The following DPP10 variants were observed in gnomAD, a reference collection of about 807,000 sequenced individuals.
DPP10 encodes the protein inactive dipeptidyl peptidase 10.
DPP10 carries 33 observed loss-of-function variants against 120.9 expected under a neutral mutation model. The ratio of observed to expected loss-of-function variants is 0.27; its 90% CI spans 0.21 to 0.37. The LOEUF (loss-of-function observed/expected upper bound fraction) is 0.37, where lower values mean the gene tolerates loss of function less well. DPP10 is among the 10% of genes least tolerant of loss of function. The pLI is 1.00. For synonymous variants in DPP10, 337 were observed against 326.1 expected (o/e 1.03, Z -0.36); for missense variants, 816 against 942.8 (o/e 0.87, Z 1.76).
chr2:115,278,525 G>A (rs1358046427), intron 1 of DPP10, among the ~76,000 whole-genome samples: 1 of 152,104 alleles, frequency 6.6e-6, no homozygotes, highest in Non-Finnish European at 1.5e-5. Flanking sequence ...CCTGCAGACT[G>A]TACAAGAAGC....
chr2:115,152,848 G>A lies in DPP10; in HGVS notation c.61-156391G>A, dbSNP rs182248347. Reference sequence around the variant, plus strand: ...TTTTATACTGCTTTCGAGCTAATGAGTTAACCCGCCAGGTTTATGGATGTC... The same window carrying A: ...TTTTATACTGCTTTCGAGCTAATGAATTAACCCGCCAGGTTTATGGATGTC... On this transcript the variant is annotated intron_variant, in intron 1 of 25. Transcript: ENST00000410059. 2.5e-4 allele frequency among the ~76,000 whole-genome samples: 38 copies of A among 152,252 alleles called. No homozygotes were observed. In the East Asian group the frequency reaches 6.4e-3, roughly 26 times the overall value.
chr2:114,777,788 A>C (rs1188431193), intron 1 of DPP10, among the ~76,000 whole-genome samples: 2 of 152,126 alleles, frequency 1.3e-5, no homozygotes, highest in East Asian at 3.8e-4. Context: ...GACATCATTA[A>C]ACAGAAATCC....
intron 1 of DPP10, among the ~76,000 whole-genome samples, chr2:115,206,275 C>T (rs563577357): frequency 1.3e-5 from 2 of 152,194 alleles, no homozygotes; most frequent in East Asian, 1.9e-4. Context: ...AGATAATGTA[C>T]CATACGCCTC....
At chr2:114,798,038 A>G (rs1683866646) in intron 1 of DPP10, among the ~76,000 whole-genome samples, 2 of 152,162 alleles carry the variant, frequency 1.3e-5, no homozygotes, top group East Asian at 3.9e-4. Context: ...GTCTAATCAT[A>G]AGAAAAACGA....
At chr2:115,045,436 T>C (rs1704990109) in intron 1 of DPP10, among the ~76,000 whole-genome samples, 1 of 152,224 alleles carries the variant, frequency 6.6e-6, no homozygotes, top group Non-Finnish European at 1.5e-5. Context: ...AAATTTCCTG[T>C]ACTTGAATGT....
At chr2:115,737,583 TC>T (rs1334573193) in intron 8 of DPP10, among the ~76,000 whole-genome samples, 1 of 152,108 alleles carries the variant, frequency 6.6e-6, no homozygotes, top group African/African-American at 2.4e-5. Context: ...TGCCATTGGA[TC>T]TGCTGGAGTC....
At chr2:115,383,822 A>G (rs1443685219) in intron 3 of DPP10, among the ~76,000 whole-genome samples, 1 of 152,222 alleles carries the variant, frequency 6.6e-6, no homozygotes, top group African/African-American at 2.4e-5. Context: ...TTGTTCCAAC[A>G]TTTGATTCTT....
At chr2:115,242,172 A>C (rs920299839) in intron 1 of DPP10, among the ~76,000 whole-genome samples, 1 of 152,068 alleles carries the variant, frequency 6.6e-6, no homozygotes, top group Non-Finnish European at 1.5e-5. Flanking sequence ...TTTCCCCCTG[A>C]GTCCTCAAAG....
chr2:115,767,022 A>T (rs1266514520), intron 12 of DPP10, among the ~76,000 whole-genome samples: 1 of 152,154 alleles, frequency 6.6e-6, no homozygotes, highest in African/African-American at 2.4e-5. Flanking sequence ...GTGCTATGGA[A>T]AACTAGAAAG....
intron 1 of DPP10, among the ~76,000 whole-genome samples, chr2:114,728,862 A>C (rs1234237017): frequency 6.6e-6 from 1 of 152,232 alleles, no homozygotes; most frequent in African/African-American, 2.4e-5. Context: ...AACTAAAACA[A>C]AGAAATGCTT....
intron 1 of DPP10, among the ~76,000 whole-genome samples, chr2:114,762,672 C>T (rs1014654504): frequency 5.9e-5 from 9 of 152,104 alleles, no homozygotes; most frequent in East Asian, 1.9e-4. Flanking sequence ...ACAGACAAAT[C>T]GAACAATTAA....
At chr2:114,773,879 C>T (rs1681487471) in intron 1 of DPP10, among the ~76,000 whole-genome samples, 1 of 151,176 alleles carries the variant, frequency 6.6e-6, no homozygotes, top group Non-Finnish European at 1.5e-5. Flanking sequence ...TGCTAGTGAA[C>T]AAAAAAATAA....
intron 1 of DPP10, among the ~76,000 whole-genome samples, chr2:115,099,912 A>C (rs2048595409): frequency 6.6e-6 from 1 of 152,202 alleles, no homozygotes; most frequent in Non-Finnish European, 1.5e-5. Context: ...TACTTGGTTC[A>C]ATAAGATCTA....
At chr2:115,029,455 C>CG (rs1018117542) in intron 1 of DPP10, among the ~76,000 whole-genome samples, 1 of 148,134 alleles carries the variant, frequency 6.8e-6, no homozygotes, top group Non-Finnish European at 1.5e-5. Flanking sequence ...TGCACATTAG[C>CG]GTTTTTTTTT....
chr2:114,733,125 G>C (rs1172580427), intron 1 of DPP10, among the ~76,000 whole-genome samples: 3 of 152,200 alleles, frequency 2.0e-5, no homozygotes, highest in Non-Finnish European at 4.4e-5. Context: ...GGTGGTGCGA[G>C]AAGGGAGCTG....
At chr2:115,165,835 C>G (rs543285005) in intron 1 of DPP10, among the ~76,000 whole-genome samples, 3 of 152,080 alleles carry the variant, frequency 2.0e-5, no homozygotes, top group Non-Finnish European at 2.9e-5. Flanking sequence ...AAAAACAAAA[C>G]CATCCCACTT....
chr2:114,755,452 T>A (rs1455907109), intron 1 of DPP10, among the ~76,000 whole-genome samples: 1 of 151,950 alleles, frequency 6.6e-6, no homozygotes, highest in Non-Finnish European at 1.5e-5. Flanking sequence ...TGCCACCATA[T>A]CCGGCAACTA....
intron 1 of DPP10, among the ~76,000 whole-genome samples, chr2:114,595,016 T>G (rs946176675): frequency 6.6e-6 from 1 of 152,170 alleles, no homozygotes; most frequent in Non-Finnish European, 1.5e-5. Flanking sequence ...CTATGCTTTC[T>G]TGTAAAAAAA....
intron 1 of DPP10, among the ~76,000 whole-genome samples, chr2:114,672,757 G>T (rs1698427052): frequency 6.6e-6 from 1 of 152,142 alleles, no homozygotes; most frequent in South Asian, 2.1e-4. Flanking sequence ...GTTACTTTGT[G>T]CAATTTATAG....
Sources: gnomAD v4.1 joint callset for allele counts (sites outside exome capture counted in the v4.1 genomes callset) on GRCh38, gnomAD v4.1.1 for gene constraint, MANE v1.5 for transcripts, NCBI Gene and HGNC (gene_info 2026-07-23, HGNC 2026-07-21) for gene names.